Variants in SYNRG observed in about 807,000 individuals in gnomAD.
The protein encoded by SYNRG is AP1 gamma subunit binding protein 1.
In SYNRG, 37 loss-of-function variants were observed where a neutral mutation model predicts 130.9. That is an observed-to-expected ratio of 0.28 (90% CI 0.22 to 0.37). SYNRG has a LOEUF of 0.37. SYNRG is among the 10% of genes least tolerant of loss of function. SYNRG has a pLI of 1.00. For synonymous variants in SYNRG, 539 were observed against 568.1 expected (o/e 0.95, Z 0.73); for missense variants, 1,338 against 1,588.9 (o/e 0.84, Z 2.68).
chr17:37,532,259 A>G (rs1195735719), intron 19 of SYNRG, among the ~76,000 whole-genome samples: 1 of 152,378 alleles, frequency 6.6e-6, no homozygotes, highest in East Asian at 1.9e-4. Flanking sequence ...TCAGGGAGAA[A>G]GCATGGTGCC....
At chr17:37,600,275 G>C in intron 2 of SYNRG, 88 bp downstream of exon 2, 8 of 1,231,344 alleles carry the variant, frequency 6.5e-6, no homozygotes, top group Non-Finnish European at 7.7e-6. Flanking sequence ...AGCAGCAACA[G>C]AACTTATTTT....
At chr17:37,523,943 C>T (rs993979814) in intron 19 of SYNRG, among the ~76,000 whole-genome samples, 1 of 152,210 alleles carries the variant, frequency 6.6e-6, no homozygotes, top group Non-Finnish European at 1.5e-5. Context: ...AAAACAAGAG[C>T]AGTGCCAGTG....
chr17:37,581,438 C>G (rs1431062359), intron 6 of SYNRG, among the ~76,000 whole-genome samples: 1 of 149,220 alleles, frequency 6.7e-6, no homozygotes, highest in Admixed American at 6.7e-5. Context: ...TCACCACGCC[C>G]GGCTAATTTT....
At position 37,522,134 on chromosome 17, in the gene SYNRG, T is replaced by TAC. The variant is rs60928738; in HGVS notation, c.3667-1488_3667-1487dup. Among the ~76,000 whole-genome samples the TAC allele has an allele frequency of 4.9e-3, 705 of 145,150 alleles. 4 individuals carry two copies. The highest frequency in any genetic ancestry group is 0.013 in the African/African-American group (495 of 38,320). On this transcript the variant is annotated intron_variant, in intron 19 of 21. Transcript: ENST00000612223. ...TCTTTATATGCATTATCTAATTCAC[T>TAC]ACACACACACACACACACACACAAT...
At chr17:37,545,401 AGG>A (rs2058193553) in intron 14 of SYNRG, among the ~76,000 whole-genome samples, 1 of 152,144 alleles carries the variant, frequency 6.6e-6, no homozygotes, top group Non-Finnish European at 1.5e-5. Context: ...TCTCAAAAAA[AGG>A]AGACAATTTT....
chr17:37,557,158 G>A (rs995264683), intron 13 of SYNRG: 4 of 152,044 alleles, frequency 2.6e-5, no homozygotes, highest in Admixed American at 1.3e-4. Flanking sequence ...TTCCCTCTCC[G>A]TCACTTTTTA....
At chr17:37,569,826 T>C (rs1413614835) in intron 10 of SYNRG, among the ~76,000 whole-genome samples, 3 of 152,180 alleles carry the variant, frequency 2.0e-5, no homozygotes, top group African/African-American at 7.2e-5. Context: ...CCAGAAGTAC[T>C]GTTAACAGCT....
rs1219876572 is a variant in SYNRG at position 37,519,030 on chromosome 17, T to G, written c.3855A>C (p.Gly1285=). Residue 1285 remains glycine, a synonymous_variant, in exon 22 of 22, where the codon GGA becomes GGC. Coordinates refer to ENST00000612223, the MANE Select transcript of SYNRG (RefSeq NM_007247.6). ...CACAGCTGGCGTGATACTGGTGCCC[T>G]CCATAGGCCAGCTTGAAACTGTCTG... ...SETDSFKLAY[G]GHQYHASCAN... The G allele has an allele frequency of 6.2e-7, 1 of 1,614,088 alleles. No individual in the cohort carries two copies. The highest frequency in any genetic ancestry group is 8.5e-7 in the Non-Finnish European group (1 of 1,180,040).
intron 14 of SYNRG, 78 bp from the exon 15 acceptor site, chr17:37,542,643 C>T: frequency 9.4e-7 from 1 of 1,063,614 alleles, no homozygotes; most frequent in Non-Finnish European, 1.4e-6. Flanking sequence ...AAGCAAAATG[C>T]CTAGCATATT....
intron 8 of SYNRG, among the ~76,000 whole-genome samples, chr17:37,572,233 C>A (rs2060486461): frequency 6.6e-6 from 1 of 152,048 alleles, no homozygotes; most frequent in Non-Finnish European, 1.5e-5. Flanking sequence ...TCAAGACCAG[C>A]CTGGCCAACA....
chr17:37,569,995 G>C (rs2060298067), intron 10 of SYNRG, among the ~76,000 whole-genome samples: 1 of 152,090 alleles, frequency 6.6e-6, no homozygotes. Flanking sequence ...TTCTCCTCCT[G>C]TTGGATATTT....
At chr17:37,570,016 A>T (rs2060300129) in intron 10 of SYNRG, among the ~76,000 whole-genome samples, 1 of 152,134 alleles carries the variant, frequency 6.6e-6, no homozygotes, top group South Asian at 2.1e-4. Context: ...AGCTATTTCT[A>T]CTTTTTACTC....
At chr17:37,540,336 T>C (rs2057626261) in intron 16 of SYNRG, 44 bp downstream of exon 16, 1 of 1,601,348 alleles carries the variant, frequency 6.2e-7, no homozygotes, top group Non-Finnish European at 8.5e-7. Flanking sequence ...CCCTGTGTGC[T>C]TGCTGGTCTG....
chr17:37,591,934 T>C (rs1381861773), intron 3 of SYNRG, among the ~76,000 whole-genome samples: 1 of 152,128 alleles, frequency 6.6e-6, no homozygotes, highest in East Asian at 1.9e-4. Flanking sequence ...TGATCCATAA[T>C]AGGAAAAACT....
rs114982107 is a variant in SYNRG at position 37,558,253 on chromosome 17, T to C, written c.1663+2942A>G. Among the ~76,000 whole-genome samples the C allele has an allele frequency of 1.7e-3, 253 of 152,290 alleles. 1 individual carries two copies. The highest frequency in any genetic ancestry group is 5.8e-3 in the African/African-American group (242 of 41,556). On this transcript the variant is annotated intron_variant, in intron 13 of 21. Transcript: ENST00000612223. ...TGGGCTTTCCTTCTTTAAAGATGATTAAGCAATACAGTTTCTACCATACCT... is the reference window on the plus strand; with the variant it reads ...TGGGCTTTCCTTCTTTAAAGATGATCAAGCAATACAGTTTCTACCATACCT...
At chr17:37,535,888 C>G in intron 19 of SYNRG, 91 bp downstream of exon 19, 1 of 1,553,974 alleles carries the variant, frequency 6.4e-7, no homozygotes, top group East Asian at 2.2e-5. Flanking sequence ...CCTCCAGCCT[C>G]TAATAAGTAC....
At chr17:37,600,276 A>C in intron 2 of SYNRG, 87 bp downstream of exon 2, 1 of 1,237,612 alleles carries the variant, frequency 8.1e-7, no homozygotes, top group Non-Finnish European at 1.1e-6. Context: ...GCAGCAACAG[A>C]ACTTATTTTC....
chr17:37,552,275 T>C (rs1334610993), intron 14 of SYNRG, among the ~76,000 whole-genome samples: 1 of 152,178 alleles, frequency 6.6e-6, no homozygotes, highest in Non-Finnish European at 1.5e-5. Flanking sequence ...TATCTTTCTA[T>C]ATACATATCA....
chr17:37,577,572 TTA>T lies in SYNRG; in HGVS notation c.629_630del (p.Ile210LysfsTer9). ...TTAATTTGTTCCTGCCCAGATGTAC[TTA>T]TATCACAAGATACTAGGAACTTCTC... is the stretch of plus-strand genomic sequence containing the variant. The part of the protein sequence containing the change: ...LEEKFLVSCD[I>X]STSGQEQIKL... On this transcript the variant is annotated frameshift_variant, in exon 7 of 22. Coordinates refer to ENST00000612223, the MANE Select transcript of SYNRG (RefSeq NM_007247.6). LOFTEE classifies it high-confidence loss of function. 6.2e-7 allele frequency: 1 copy of T among 1,614,178 alleles called. No individual in the cohort carries two copies. The highest frequency in any genetic ancestry group is 1.6e-4 in the Middle Eastern group (1 of 6,062).
Sources: allele counts gnomAD v4.1 joint callset (sites outside exome capture counted in the v4.1 genomes callset), GRCh38; gene constraint gnomAD v4.1.1; transcripts MANE v1.5; gene names NCBI Gene and HGNC (gene_info 2026-07-23, HGNC 2026-07-21).